ASMTL: variants seen among roughly 807,000 people sequenced by gnomAD.
ASMTL encodes the protein probable bifunctional dTTP/UTP pyrophosphatase/methyltransferase protein.
In ASMTL, 57 loss-of-function variants were observed where a neutral mutation model predicts 60.3. The ratio of observed to expected loss-of-function variants is 0.95; its 90% CI spans 0.76 to 1.18. ASMTL has a LOEUF of 1.18. Ranked by LOEUF, ASMTL falls within the 50% of genes most tolerant of loss-of-function variation. The pLI, the probability that ASMTL is intolerant of heterozygous loss-of-function variation, is 0.00. For missense variants in ASMTL, 981 were observed against 852.6 expected (o/e 1.15, Z -1.88); for synonymous variants, 419 against 373.0 (o/e 1.12, Z -1.42).
rs1377275843 is a variant in ASMTL at position 1,403,301 on chromosome X, C to G, written c.1834G>C (p.Asp612His). 2 of 1,612,994 alleles carry G rather than the reference C, an allele frequency of 1.2e-6. No individual in the cohort carries two copies. Among genetic ancestry groups the G allele is most frequent in the African/African-American group, 2.7e-5 (2 of 74,926 alleles). ...GCCACTTTGGTGGCCAAGATGGCAT[C>G]CAGGACACCCCCCAAGTGCACCACC... ...VQVVHLGGVL[D>H]AILATKVAP is the part of the protein sequence containing the mutation. Residue 612 changes from aspartate to histidine, a missense_variant, in exon 13 of 13, where the codon GAT becomes CAT. Coordinates refer to ENST00000381317, the MANE Select transcript of ASMTL (RefSeq NM_004192.4).
chrX:1,417,897 A>G, intron 11 of ASMTL, 76 bp downstream of exon 11: 1 of 1,519,310 alleles, frequency 6.6e-7, no homozygotes, highest in South Asian at 1.3e-5. Flanking sequence ...AGGTGCACAC[A>G]CAGCCATGCC....
chrX:1,404,274 A>AGATG (rs760055401), intron 12 of ASMTL, among the ~76,000 whole-genome samples: 1 of 143,212 alleles, frequency 7.0e-6, no homozygotes, highest in Non-Finnish European at 1.5e-5. Context: ...TGCATGGATG[A>AGATG]GATGGATGGA....
chrX:1,418,137 GCT>G, intron 10 of ASMTL, 21 bp from the exon 11 acceptor site: 1 of 1,577,084 alleles, frequency 6.3e-7, no homozygotes, highest in African/African-American at 1.3e-5. Context: ...GCAAATGCAT[GCT>G]CTGTGGCTGG....
rs373760144 is a variant in ASMTL at position 1,433,448 on chromosome X, A to G, written c.401-1071T>C. On this transcript the variant is annotated intron_variant, in intron 5 of 12. Transcript: ENST00000381317. ...TGGGAGGCCGAGGCGGGCGGATCAC[A>G]AGGTCAGGAGATCGAGACCCTCCTG... Among the ~76,000 whole-genome samples the G allele has an allele frequency of 4.1e-3, 610 of 148,956 alleles. 3 individuals carry two copies. Among genetic ancestry groups the G allele is most frequent in the African/African-American group, 0.014 (553 of 40,504 alleles).
chrX:1,442,292 G>C lies in ASMTL; in HGVS notation c.119C>G (p.Ser40Cys), dbSNP rs750948527. The change falls in exon 2 of 13, where the codon TCC (serine) becomes TGC (cysteine). Residue 40 changes from serine to cysteine, a missense_variant. Coordinates refer to ENST00000381317, the MANE Select transcript of ASMTL (RefSeq NM_004192.4). Reference sequence around the variant, plus strand: ...TTTGTCCAGCTTCTCTTTAAACTTGGAGGGGACCACCTCAAACCTGAGACC... The same window carrying C: ...TTTGTCCAGCTTCTCTTTAAACTTGCAGGGGACCACCTCAAACCTGAGACC... ...NAGLRFEVVP[S>C]KFKEKLDKAS... 75 of 1,613,872 alleles carry C rather than the reference G, an allele frequency of 4.6e-5. No homozygotes were observed. In the African/African-American group the frequency reaches 8.7e-4, roughly 19 times the overall value.
chrX:1,416,168 G>A (rs1328357904), intron 11 of ASMTL, among the ~76,000 whole-genome samples: 1 of 140,738 alleles, frequency 7.1e-6, no homozygotes, highest in Non-Finnish European at 1.5e-5. Context: ...TGGACATACA[G>A]ATATAGCGAC....
intron 6 of ASMTL, among the ~76,000 whole-genome samples, chrX:1,430,449 T>C (rs2090739162): frequency 6.6e-6 from 1 of 152,112 alleles, no homozygotes; most frequent in Non-Finnish European, 1.5e-5. Flanking sequence ...ACATATATAT[T>C]ACGCAGACTC....
At chrX:1,424,653 C>T (rs2090566255) in intron 8 of ASMTL, among the ~76,000 whole-genome samples, 1 of 151,558 alleles carries the variant, frequency 6.6e-6, no homozygotes, top group Non-Finnish European at 1.5e-5. Context: ...TGCACTCATC[C>T]ACCGATTCAT....
At chrX:1,407,522 G>C (rs1346474053) in intron 12 of ASMTL, among the ~76,000 whole-genome samples, 4 of 151,964 alleles carry the variant, frequency 2.6e-5, no homozygotes, top group South Asian at 4.1e-4. Flanking sequence ...ATATATGGTA[G>C]ATGATGGGTA....
chrX:1,406,939 A>AGATG (rs200326717), intron 12 of ASMTL, among the ~76,000 whole-genome samples: 22,486 of 144,170 alleles, frequency 0.16, 1,879 homozygotes, highest in African/African-American at 0.22. Flanking sequence ...TGCATGGATG[A>AGATG]GATGGATGGG....
chrX:1,414,202 G>C (rs1468871817), intron 11 of ASMTL, among the ~76,000 whole-genome samples: 1 of 150,348 alleles, frequency 6.7e-6, no homozygotes, highest in African/African-American at 2.4e-5. Flanking sequence ...CAGGAGCTGG[G>C]AGAGGCAGGA....
intron 11 of ASMTL, among the ~76,000 whole-genome samples, chrX:1,416,318 GACAC>G (rs377553148): frequency 0.061 from 4,593 of 75,664 alleles, 952 homozygotes; most frequent in Non-Finnish European, 0.087. Flanking sequence ...TGCACAGCTG[GACAC>G]ACACACACAC....
chrX:1,415,001 C>T (rs1310133220), intron 11 of ASMTL, among the ~76,000 whole-genome samples: 22 of 151,600 alleles, frequency 1.5e-4, no homozygotes, highest in African/African-American at 4.4e-4. Flanking sequence ...AGTGCAGTGG[C>T]GCGATCTCGG....
intron 1 of ASMTL, among the ~76,000 whole-genome samples, chrX:1,446,779 A>G (rs1211503741): frequency 6.6e-6 from 1 of 152,266 alleles, no homozygotes; most frequent in Non-Finnish European, 1.5e-5. Flanking sequence ...GATTACAGGC[A>G]TGAGCCACCA....
chrX:1,427,873 G>C lies in ASMTL; in HGVS notation c.758C>G (p.Ala253Gly). 1 of 1,613,150 alleles carries C rather than the reference G, an allele frequency of 6.2e-7. No homozygotes were observed. The highest frequency in any genetic ancestry group is 8.5e-7 in the Non-Finnish European group (1 of 1,179,832). The change falls in exon 7 of 13, where the codon GCG becomes GGG. Residue 253 changes from alanine (A) to glycine (G), a missense_variant. By Grantham distance (60) the Ala-to-Gly change is moderately conservative. Coordinates refer to ENST00000381317, the MANE Select transcript of ASMTL (RefSeq NM_004192.4). The stretch of plus-strand genomic sequence containing the variant: ...CTCGGCCTTCTCATCGCGGCTGCCC[G>C]CGTCCCTCTGAGTGGGCTCCGAGCC... Reference protein sequence around the residue: ...GGGSEPTQRDAGSRDEKAEAG... With the variant: ...GGGSEPTQRDGGSRDEKAEAG...
At chrX:1,418,945 C>T (rs781176709) in intron 10 of ASMTL, 37 bp downstream of exon 10, 15 of 1,610,886 alleles carry the variant, frequency 9.3e-6, no homozygotes, top group Middle Eastern at 2.2e-4. Context: ...GCTTAATAAA[C>T]GAAAGTAAGG....
chrX:1,442,420 C>T, intron 1 of ASMTL, 103 bp from the exon 2 acceptor site: 4 of 1,339,148 alleles, frequency 3.0e-6, no homozygotes, highest in Non-Finnish European at 4.2e-6. Flanking sequence ...TGCTACACTC[C>T]CCGACCCTGT....
chrX:1,407,701 T>C (rs1204126892), intron 12 of ASMTL, among the ~76,000 whole-genome samples: 4 of 150,460 alleles, frequency 2.7e-5, no homozygotes, highest in African/African-American at 9.8e-5. Flanking sequence ...CTGAGCAACA[T>C]AGTGAGACCC....
Position 1,427,847 on chromosome X carries a change from C to T in ASMTL, c.784G>A (p.Ala262Thr). The T allele has an allele frequency of 1.9e-6, 3 of 1,613,370 alleles. No individual in the cohort carries two copies. Among genetic ancestry groups the T allele is most frequent in the Non-Finnish European group, 2.5e-6 (3 of 1,179,872 alleles). ...GCCGTGGCCTGTCCCGCCTCTCCCG[C>T]CTCGGCCTTCTCATCGCGGCTGCCC... ...DAGSRDEKAE[A>T]GEAGQATAEA... The change falls in exon 7 of 13, where the codon GCG becomes ACG. Residue 262 changes from alanine (A) to threonine (T), a missense_variant. Transcript: ENST00000381317.
Sources: gnomAD v4.1 joint callset for allele counts (sites outside exome capture counted in the v4.1 genomes callset) on GRCh38, gnomAD v4.1.1 for gene constraint, MANE v1.5 for transcripts, NCBI Gene and HGNC (gene_info 2026-07-23, HGNC 2026-07-21) for gene names.